The following EXOC2 variants were observed in gnomAD, a reference collection of about 807,000 sequenced individuals.
EXOC2 encodes the protein SEC5-like 1.
A neutral mutation model predicts 131.8 loss-of-function variants in EXOC2; 70 were observed. The observed-to-expected ratio is 0.53, with a 90% CI of 0.44 to 0.65. The LOEUF (loss-of-function observed/expected upper bound fraction) is 0.65. Among genes scored for constraint, EXOC2 ranks in the 30% least tolerant of loss-of-function variants. The pLI, the probability that EXOC2 is intolerant of heterozygous loss-of-function variation, is 0.00. For synonymous variants in EXOC2, 411 were observed against 398.4 expected (o/e 1.03, Z -0.38); for missense variants, 923 against 1,108.6 (o/e 0.83, Z 2.38).
intron 10 of EXOC2, among the ~76,000 whole-genome samples, chr6:595,969 A>G (rs1759792909): frequency 6.6e-6 from 1 of 152,140 alleles, no homozygotes; most frequent in Admixed American, 6.5e-5. Context: ...CAGCTTAGAG[A>G]GAAACAAGAG....
At position 521,989 on chromosome 6, in the gene EXOC2, C is replaced by T. The variant is rs972881142; in HGVS notation, c.2380+10480G>A. Among the ~76,000 whole-genome samples the T allele has an allele frequency of 3.3e-5, 5 of 152,158 alleles. No homozygotes were observed. The South Asian group carries it at 8.3e-4, about 25-fold the overall frequency. On this transcript the variant is annotated intron_variant, in intron 23 of 27. Transcript: ENST00000230449. Reference sequence around the variant, plus strand: ...ATATAAAAAACCCAAGGGTAAATTTCGTATTTTATTGATGTTCATTTTCAC... The same window carrying T: ...ATATAAAAAACCCAAGGGTAAATTTTGTATTTTATTGATGTTCATTTTCAC...
chr6:648,714 CTCTTT>C (rs1762691401), intron 1 of EXOC2, among the ~76,000 whole-genome samples: 3 of 115,542 alleles, frequency 2.6e-5, no homozygotes, highest in African/African-American at 6.6e-5. Flanking sequence ...CTTTTAAAAA[CTCTTT>C]TTTTTTTTTT....
At chr6:639,948 G>A (rs567635144) in intron 1 of EXOC2, among the ~76,000 whole-genome samples, 21 of 152,314 alleles carry the variant, frequency 1.4e-4, no homozygotes, top group African/African-American at 4.6e-4. Context: ...GAGGATAGGC[G>A]AAATGTGGCC....
intron 23 of EXOC2, among the ~76,000 whole-genome samples, chr6:529,477 G>A (rs1266956380): frequency 2.0e-5 from 3 of 152,198 alleles, no homozygotes; most frequent in Non-Finnish European, 2.9e-5. Context: ...TTTCAGTGAC[G>A]ACAGAGAAGA....
At chr6:539,254 T>C (rs1581393778) in intron 22 of EXOC2, among the ~76,000 whole-genome samples, 1 of 152,146 alleles carries the variant, frequency 6.6e-6, no homozygotes, top group Non-Finnish European at 1.5e-5. Flanking sequence ...ATTAAAAAAC[T>C]GTGGGTAATA....
At position 555,295 on chromosome 6, in the gene EXOC2, G is replaced by T; in HGVS notation, c.1993-7C>A. 1 of 1,518,832 alleles carries T rather than the reference G, an allele frequency of 6.6e-7. No homozygotes were observed. Among genetic ancestry groups the T allele is most frequent in the South Asian group, 1.4e-5 (1 of 72,520 alleles). 94.1% of individuals were successfully genotyped at this position (1,518,832 alleles called of 1,614,324 possible). ...CCAGACAGTATATAAAAACCTAAGT[G>T]AAAACATAAGTTTCAGAACTCTCAG... is the stretch of plus-strand genomic sequence containing the variant. On this transcript the variant is annotated splice_region_variant and splice_polypyrimidine_tract_variant and intron_variant, in intron 19 of 27. Transcript: ENST00000230449.
intron 22 of EXOC2, among the ~76,000 whole-genome samples, chr6:542,876 G>C (rs1344751312): frequency 1.3e-5 from 2 of 152,216 alleles, no homozygotes; most frequent in African/African-American, 2.4e-5. Context: ...AAGAGAGCCA[G>C]ATGAAAATCC....
At chr6:491,992 A>G (rs1763461217) in intron 25 of EXOC2, among the ~76,000 whole-genome samples, 1 of 152,206 alleles carries the variant, frequency 6.6e-6, no homozygotes, top group African/African-American at 2.4e-5. Context: ...CCTTTCCTTA[A>G]CACAAAAATT....
chr6:575,482 C>A (rs966637715), intron 12 of EXOC2, among the ~76,000 whole-genome samples: 1 of 151,914 alleles, frequency 6.6e-6, no homozygotes, highest in African/African-American at 2.4e-5. Flanking sequence ...CTCCCTCGCT[C>A]CCTCTCCATC....
intron 17 of EXOC2, among the ~76,000 whole-genome samples, chr6:559,689 T>C (rs1757600236): frequency 6.6e-6 from 1 of 152,218 alleles, no homozygotes; most frequent in Non-Finnish European, 1.5e-5. Flanking sequence ...GAAGTAACTA[T>C]TTCAGAGCAT....
chr6:539,392 C>T (rs569764473), intron 22 of EXOC2, among the ~76,000 whole-genome samples: 1 of 152,296 alleles, frequency 6.6e-6, no homozygotes, highest in Non-Finnish European at 1.5e-5. Flanking sequence ...CCATCTCACG[C>T]ACCGGCACTG....
intron 26 of EXOC2, among the ~76,000 whole-genome samples, chr6:490,029 C>T (rs1384005400): frequency 6.6e-6 from 1 of 152,198 alleles, no homozygotes; most frequent in Non-Finnish European, 1.5e-5. Flanking sequence ...GTGTGGAAGC[C>T]ACTGCCGCTA....
intron 7 of EXOC2, among the ~76,000 whole-genome samples, chr6:605,620 T>A (rs527341906): frequency 2.0e-5 from 3 of 152,232 alleles, no homozygotes; most frequent in Non-Finnish European, 4.4e-5. Flanking sequence ...TTGCTAGCGG[T>A]TTATCAAGTT....
chr6:500,828 G>A (rs1190071506), intron 23 of EXOC2, among the ~76,000 whole-genome samples: 2 of 151,696 alleles, frequency 1.3e-5, no homozygotes, highest in African/African-American at 2.4e-5. Flanking sequence ...TCTCATCCAC[G>A]CTACTGGTTA....
chr6:608,013 A>C (rs565860435), intron 7 of EXOC2, among the ~76,000 whole-genome samples: 1 of 152,404 alleles, frequency 6.6e-6, no homozygotes, highest in East Asian at 1.9e-4. Flanking sequence ...CTGAAGAAAT[A>C]TCCATATACA....
At chr6:573,687 T>C (rs1758418234) in intron 12 of EXOC2, among the ~76,000 whole-genome samples, 1 of 144,996 alleles carries the variant, frequency 6.9e-6, no homozygotes, top group African/African-American at 2.6e-5. Flanking sequence ...TATTAAGAAA[T>C]TTTATTAATA....
At chr6:680,912 G>A (rs560840452) in intron 1 of EXOC2, among the ~76,000 whole-genome samples, 2 of 152,078 alleles carry the variant, frequency 1.3e-5, no homozygotes, top group Non-Finnish European at 2.9e-5. Flanking sequence ...AACGGTGGCC[G>A]GGCTGACCAG....
At chr6:583,841 G>A (rs186361492) in intron 11 of EXOC2, among the ~76,000 whole-genome samples, 84 of 152,260 alleles carry the variant, frequency 5.5e-4, no homozygotes, top group Non-Finnish European at 9.8e-4. Flanking sequence ...GCCGTACACA[G>A]GTCACAAAGG....
intron 1 of EXOC2, among the ~76,000 whole-genome samples, chr6:652,342 A>G (rs1247887598): frequency 1.3e-5 from 2 of 152,240 alleles, no homozygotes; most frequent in East Asian, 3.8e-4. Context: ...GCCTGGGTCC[A>G]ATGTTTGTGT....
Sources: gnomAD v4.1 joint callset for allele counts (sites outside exome capture counted in the v4.1 genomes callset) on GRCh38, gnomAD v4.1.1 for gene constraint, MANE v1.5 for transcripts, NCBI Gene and HGNC (gene_info 2026-07-23, HGNC 2026-07-21) for gene names.